PEX1: variants seen among roughly 807,000 people sequenced by gnomAD.
PEX1 encodes peroxisomal ATPase PEX1.
Under a neutral mutation model 152.5 loss-of-function variants are expected in PEX1, and 97 were observed. The observed-to-expected ratio is 0.64, with a 90% confidence interval of 0.54 to 0.75. The LOEUF (loss-of-function observed/expected upper bound fraction) is 0.75. Ranked by LOEUF, PEX1 falls within the 30% of genes least tolerant of loss-of-function variation. PEX1 has a pLI of 0.00. For synonymous variants in PEX1, 485 were observed against 531.6 expected, an observed-to-expected ratio of 0.91 and a Z score of 1.21; for missense variants, 1,357 against 1,516.3, an observed-to-expected ratio of 0.89 and a Z score of 1.74.
intron 18 of PEX1, 29 bp from the exon 19 acceptor site, chr7:92,494,425 A>G (rs773505572): frequency 6.8e-6 from 11 of 1,611,788 alleles, no homozygotes; most frequent in African/African-American, 1.3e-5. Context: ...TTTTTTTACC[A>G]AAATCTGATG....
At chr7:92,504,964 T>C (rs1792115695) in intron 11 of PEX1, 62 bp from the exon 12 acceptor site, 24 of 1,290,304 alleles carry the variant, frequency 1.9e-5, no homozygotes, top group South Asian at 8.3e-5. Context: ...ATTCAGGTTG[T>C]CCTTTTGAAA....
intron 11 of PEX1, among the ~76,000 whole-genome samples, chr7:92,505,362 G>A (rs550049879): frequency 4.1e-5 from 6 of 147,280 alleles, no homozygotes; most frequent in South Asian, 2.1e-4. Context: ...ATAGTGAGCC[G>A]AGATCGCACC....
At chr7:92,506,928 C>T (rs956127603) in intron 10 of PEX1, 66 bp downstream of exon 10, 47 of 1,559,980 alleles carry the variant, frequency 3.0e-5, no homozygotes, top group Non-Finnish European at 4.1e-5. Flanking sequence ...ATGGTCAAAA[C>T]CCAAAGAAAG....
rs533714070 is a variant in PEX1 at position 92,509,472 on chromosome 7, C to T, written c.1588-61G>A. ...AAGTATGTCTTTTGCATGTTTTTCT[C>T]GGGTCCCAGAAAACTAAATTGCTGA... On this transcript the variant is annotated intron_variant, in intron 8 of 23. Transcript: ENST00000248633. The T allele has an allele frequency of 3.7e-4, 455 of 1,230,832 alleles. 4 individuals carry two copies. The South Asian group carries it at 4.8e-3, about 13-fold the overall frequency. 76.2% of individuals were successfully genotyped at this position (1,230,832 alleles called of 1,614,324 possible). A position where few individuals can be genotyped will look rare whatever the true frequency, so the allele number is the denominator to read the frequency against.
chr7:92,506,886 A>AAAACCCACCCTAT, intron 10 of PEX1, 108 bp downstream of exon 10: 2 of 1,050,716 alleles, frequency 1.9e-6, no homozygotes, highest in Non-Finnish European at 3.0e-6. Context: ...AACCCTATAT[A>AAAACCCACCCTAT]ATAGATGGTC....
chr7:92,501,076 C>A (rs1791899051), intron 15 of PEX1, among the ~76,000 whole-genome samples: 1 of 151,014 alleles, frequency 6.6e-6, no homozygotes, highest in African/African-American at 2.4e-5. Flanking sequence ...CCTCAGCTTT[C>A]CATTATAAGT....
intron 6 of PEX1, 124 bp downstream of exon 6, chr7:92,513,720 AGTTT>A: frequency 1.5e-6 from 1 of 679,962 alleles, no homozygotes; most frequent in Middle Eastern, 4.1e-4. Flanking sequence ...TGTTATATAT[AGTTT>A]AACACAATAA....
Position 92,494,303 on chromosome 7 carries a change from G to T in PEX1, c.3020C>A (p.Pro1007His). ...ATATGAAATTGTCACCTGATCAGGA[G>T]GAGGACAGTATACACATTTATCTAG... Reference protein sequence around the residue: ...GRLDKCVYCPPPDQVSRLEIL... With the variant: ...GRLDKCVYCPHPDQVSRLEIL... Residue 1007 changes from proline to histidine, a missense_variant, in exon 19 of 24, where the codon CCT becomes CAT. Transcript: ENST00000248633. 6.2e-7 allele frequency: 1 copy of T among 1,612,152 alleles called. No individual in the cohort carries two copies. Among genetic ancestry groups the T allele is most frequent in the Non-Finnish European group, 8.5e-7 (1 of 1,178,396 alleles).
intron 5 of PEX1, among the ~76,000 whole-genome samples, chr7:92,515,041 C>T (rs1204252210): frequency 1.4e-4 from 20 of 140,560 alleles, no homozygotes; most frequent in African/African-American, 4.1e-4. Flanking sequence ...AGTGAGACTC[C>T]GTCTCAAGAA....
chr7:92,502,897 C>A, intron 13 of PEX1, 144 bp downstream of exon 13: 1 of 728,440 alleles, frequency 1.4e-6, no homozygotes. Context: ...ATGCCTCTAG[C>A]ACAATATGCA....
chr7:92,511,103 T>C, intron 7 of PEX1, 56 bp from the exon 8 acceptor site: 1 of 849,702 alleles, frequency 1.2e-6, no homozygotes, highest in Non-Finnish European at 1.9e-6. Flanking sequence ...GATGAAATAA[T>C]TTAAGATTTT....
intron 13 of PEX1, among the ~76,000 whole-genome samples, chr7:92,502,290 G>A (rs1028649331): frequency 4.6e-5 from 7 of 152,072 alleles, no homozygotes; most frequent in African/African-American, 7.2e-5. Flanking sequence ...TGTGGTGATG[G>A]TTTCATGGCA....
chr7:92,514,645 A>G (rs1792637206), intron 5 of PEX1, among the ~76,000 whole-genome samples: 1 of 152,190 alleles, frequency 6.6e-6, no homozygotes, highest in African/African-American at 2.4e-5. Context: ...ACTTAATCTA[A>G]AAAGCAGAGT....
intron 16 of PEX1, among the ~76,000 whole-genome samples, chr7:92,498,927 AATGC>A (rs1791788790): frequency 6.6e-6 from 1 of 152,234 alleles, no homozygotes; most frequent in Non-Finnish European, 1.5e-5. Flanking sequence ...TTCTGTTCAC[AATGC>A]ATGAAGATTG....
At chr7:92,516,561 C>G (rs1393566775) in intron 5 of PEX1, among the ~76,000 whole-genome samples, 1 of 151,966 alleles carries the variant, frequency 6.6e-6, no homozygotes, top group Admixed American at 6.6e-5. Context: ...CCTTCTCTTT[C>G]TATTTTATTC....
At chr7:92,519,965 C>A (rs1792979876) in intron 2 of PEX1, among the ~76,000 whole-genome samples, 1 of 152,074 alleles carries the variant, frequency 6.6e-6, no homozygotes, top group African/African-American at 2.4e-5. Flanking sequence ...GCCTCACCCC[C>A]AGACTCCTCA....
Position 92,501,495 on chromosome 7 carries a change from T to A in PEX1, c.2583+12A>T, listed in dbSNP as rs778271143. 1 of 1,610,694 alleles carries A rather than the reference T, an allele frequency of 6.2e-7. No individual in the cohort carries two copies. Among genetic ancestry groups the A allele is most frequent in the South Asian group, 1.1e-5 (1 of 90,996 alleles). ...GGGAGTAAGTATTCACTTTTTCTTT[T>A]TTTAAACATACCTTGGCAGGTAACT... On this transcript the variant is annotated intron_variant, in intron 15 of 23. Transcript: ENST00000248633.
intron 6 of PEX1, among the ~76,000 whole-genome samples, chr7:92,513,357 T>C (rs1792569699): frequency 6.6e-6 from 1 of 152,090 alleles, no homozygotes; most frequent in Non-Finnish European, 1.5e-5. Context: ...ATGCAGTCAA[T>C]GGAATAGTAT....
intron 5 of PEX1, among the ~76,000 whole-genome samples, chr7:92,515,099 A>AC (rs1792676097): frequency 1.6e-4 from 1 of 6,292 alleles, no homozygotes; most frequent in African/African-American, 5.8e-4. Context: ...ATATATATAT[A>AC]TATATATATA....
Sources: allele counts gnomAD v4.1 joint callset (sites outside exome capture counted in the v4.1 genomes callset), GRCh38; gene constraint gnomAD v4.1.1; transcripts MANE v1.5; gene names NCBI Gene and HGNC (gene_info 2026-07-23, HGNC 2026-07-21).